The following OVCH1 variants were observed in gnomAD, a reference collection of about 807,000 sequenced individuals.
The protein encoded by OVCH1 is ovochymase 1.
OVCH1 carries 139 observed loss-of-function variants against 138.4 expected under a neutral mutation model. The observed-to-expected ratio is 1.00, with a 90% confidence interval of 0.87 to 1.16. The LOEUF is 1.16. Among genes scored for constraint, OVCH1 ranks in the 50% most tolerant of loss-of-function variants. The pLI, the probability that OVCH1 is intolerant of heterozygous loss-of-function variation, is 0.00. For synonymous variants in OVCH1, 453 were observed against 467.8 expected (o/e 0.97, Z 0.41); for missense variants, 1,367 against 1,357.9 (o/e 1.01, Z -0.11).
intron 8 of OVCH1, among the ~76,000 whole-genome samples, chr12:29,485,969 A>AAAT (rs1010541129): frequency 2.1e-3 from 289 of 136,338 alleles, no homozygotes; most frequent in African/African-American, 6.3e-3. Context: ...AAAATAAAAT[A>AAAT]AAATAAATAA....
At chr12:29,483,752 C>T (rs1943008642) in intron 8 of OVCH1, among the ~76,000 whole-genome samples, 1 of 152,164 alleles carries the variant, frequency 6.6e-6, no homozygotes, top group South Asian at 2.1e-4. Flanking sequence ...CCTGCCTCTC[C>T]ATCTGTTGAA....
exon 14 of OVCH1, chr12:29,475,162 G>T: frequency 6.6e-7 from 1 of 1,507,436 alleles, no homozygotes. Flanking sequence ...GAATATTGAA[G>T]TGATGGTCAA....
intron 22 of OVCH1, among the ~76,000 whole-genome samples, chr12:29,446,196 A>T (rs1324896426): frequency 6.6e-6 from 1 of 152,098 alleles, no homozygotes; most frequent in Non-Finnish European, 1.5e-5. Flanking sequence ...TTCACTACTG[A>T]ATCCTCAGAA....
chr12:29,425,080 C>CTT (rs1222053972), downstream of OVCH1, among the ~76,000 whole-genome samples: 3 of 152,144 alleles, frequency 2.0e-5, no homozygotes, highest in Non-Finnish European at 2.9e-5. Context: ...CAATGAAGCA[C>CTT]TTAATAAAGT....
intron 3 of OVCH1, chr12:29,412,740 C>T (rs925972606): frequency 2.6e-5 from 4 of 152,098 alleles, no homozygotes; most frequent in Non-Finnish European, 4.4e-5. Context: ...TTAAAAAGGA[C>T]GTTAAAGAAA....
intron 25 of OVCH1, 97 bp from the exon 26 acceptor site, chr12:29,440,841 T>C: frequency 4.5e-6 from 2 of 445,130 alleles, no homozygotes; most frequent in Non-Finnish European, 9.0e-6. Flanking sequence ...ATTGGATTTT[T>C]TACCCACTCT....
chr12:29,492,337 A>T (rs1313915106), intron 4 of OVCH1, among the ~76,000 whole-genome samples: 8 of 152,110 alleles, frequency 5.3e-5, no homozygotes, highest in Non-Finnish European at 1.0e-4. Context: ...ATAAAAAAAA[A>T]AAATAAACAA....
chr12:29,489,838 C>T, intron 5 of OVCH1, 67 bp from the exon 6 acceptor site: 1 of 1,499,730 alleles, frequency 6.7e-7, no homozygotes, highest in Non-Finnish European at 9.1e-7. Context: ...GGGAAGTCTA[C>T]AAGTTTGGAA....
intron 8 of OVCH1, among the ~76,000 whole-genome samples, chr12:29,481,823 C>G (rs947097702): frequency 3.3e-5 from 5 of 152,192 alleles, no homozygotes; most frequent in African/African-American, 9.6e-5. Context: ...CTTCCAATAG[C>G]TCAGGTTAAA....
intron 22 of OVCH1, 131 bp downstream of exon 22, chr12:29,451,214 G>A (rs1444533807): frequency 1.9e-6 from 1 of 535,260 alleles, no homozygotes; most frequent in African/African-American, 1.9e-5. Flanking sequence ...TGTTTACAAG[G>A]GAAAAAGCAT....
intron 22 of OVCH1, among the ~76,000 whole-genome samples, chr12:29,450,426 C>T (rs1043138528): frequency 2.9e-4 from 44 of 152,228 alleles, no homozygotes; most frequent in Middle Eastern, 3.4e-3. Flanking sequence ...AGCTCAACAT[C>T]GCTAGTCATT....
intron 21 of OVCH1, among the ~76,000 whole-genome samples, chr12:29,453,502 A>G (rs912122488): frequency 6.6e-6 from 1 of 152,096 alleles, no homozygotes; most frequent in Non-Finnish European, 1.5e-5. Context: ...ATCAGTAGCA[A>G]TAACTCCAAG....
chr12:29,444,380 T>A, intron 23 of OVCH1, 100 bp from the exon 24 acceptor site: 1 of 1,252,996 alleles, frequency 8.0e-7, no homozygotes, highest in Non-Finnish European at 1.1e-6. Context: ...CTTCCCTAAT[T>A]GTCCTGGGAA....
At chr12:29,428,691 G>A (rs182817696) in intron 27 of OVCH1, among the ~76,000 whole-genome samples, 59 of 152,252 alleles carry the variant, frequency 3.9e-4, no homozygotes, top group Non-Finnish European at 7.5e-4. Context: ...GAACTTAATG[G>A]TGTTATAAAT....
chr12:29,485,497 G>A (rs1943067324), intron 8 of OVCH1, among the ~76,000 whole-genome samples: 1 of 150,742 alleles, frequency 6.6e-6, no homozygotes, highest in African/African-American at 2.4e-5. Context: ...AAAAATTGCC[G>A]GGCACAGTGG....
the OVCH1 span, among the ~76,000 whole-genome samples, chr12:29,403,612 A>T: frequency 6.6e-6 from 1 of 152,180 alleles, no homozygotes; most frequent in African/African-American, 2.4e-5. Flanking sequence ...GGGTAGGGGG[A>T]TTGAGACAAC....
intron 4 of OVCH1, among the ~76,000 whole-genome samples, chr12:29,492,094 A>G (rs954911068): frequency 6.6e-6 from 1 of 152,178 alleles, no homozygotes; most frequent in African/African-American, 2.4e-5. Flanking sequence ...AAAGGAGATA[A>G]GTCTGGAGAT....
intron 16 of OVCH1, among the ~76,000 whole-genome samples, chr12:29,471,601 G>C (rs1942509619): frequency 6.6e-6 from 1 of 152,104 alleles, no homozygotes; most frequent in African/African-American, 2.4e-5. Flanking sequence ...TATTTAAACG[G>C]GATAAGCAGT....
At chr12:29,467,541 A>G (rs1244250947) in intron 16 of OVCH1, among the ~76,000 whole-genome samples, 8 of 152,154 alleles carry the variant, frequency 5.3e-5, no homozygotes, top group Non-Finnish European at 1.0e-4. Context: ...TACCCAACCC[A>G]ACAGTGGAGC....
Sources: gnomAD v4.1 joint callset for allele counts (sites outside exome capture counted in the v4.1 genomes callset) on GRCh38, gnomAD v4.1.1 for gene constraint, MANE v1.5 for transcripts, NCBI Gene and HGNC (gene_info 2026-07-23, HGNC 2026-07-21) for gene names.